Variants in CTSC observed in about 807,000 individuals in gnomAD.
CTSC encodes the protein dipeptidyl peptidase 1.
In CTSC, 37 loss-of-function variants were observed where a neutral mutation model predicts 40.9. The observed-to-expected ratio is 0.91, with a 90% CI of 0.70 to 1.19. The LOEUF (loss-of-function observed/expected upper bound fraction) is 1.19, where lower values mean the gene tolerates loss of function less well. Among genes scored for constraint, CTSC ranks in the 50% most tolerant of loss-of-function variants. CTSC has a pLI of 0.00. For synonymous variants in CTSC, 232 were observed against 207.4 expected, an observed-to-expected ratio of 1.12 and a Z score of -1.02; for missense variants, 594 against 567.3, an observed-to-expected ratio of 1.05 and a Z score of -0.48.
intron 2 of CTSC, chr11:88,326,253 G>A: frequency 1.0e-5 from 16 of 1,528,692 alleles, no homozygotes; most frequent in Non-Finnish European, 1.3e-5. Context: ...CTGCCTTGGA[G>A]GTAGGTCACC....
chr11:88,326,431 C>T (rs773318710), intron 2 of CTSC: 3 of 1,612,070 alleles, frequency 1.9e-6, no homozygotes, highest in South Asian at 2.2e-5. Flanking sequence ...TCAACAGATG[C>T]TCTATTTAAT....
At chr11:88,325,141 G>A in intron 2 of CTSC, 1 of 985,136 alleles carries the variant, frequency 1.0e-6, no homozygotes. Flanking sequence ...TATTCGGCAG[G>A]AAAGAGCTAG....
intron 2 of CTSC, chr11:88,321,993 T>A (rs2134800333): frequency 6.6e-6 from 1 of 152,322 alleles, no homozygotes; most frequent in East Asian, 1.9e-4. Flanking sequence ...GATATGCACG[T>A]CTCTAATGGT....
At chr11:88,312,345 T>C (rs761342381) in intron 3 of CTSC, 43 bp downstream of exon 3, 3 of 1,596,414 alleles carry the variant, frequency 1.9e-6, no homozygotes, top group African/African-American at 2.7e-5. Context: ...TCATATATAC[T>C]ATAAAACAAA....
intron 3 of CTSC, among the ~76,000 whole-genome samples, chr11:88,311,848 A>C (rs1216240597): frequency 1.3e-5 from 2 of 152,216 alleles, no homozygotes; most frequent in African/African-American, 4.8e-5. Flanking sequence ...TGGCCTTGGA[A>C]GAAACCAAAC....
chr11:88,312,353 AAAACT>A, intron 3 of CTSC, 30 bp downstream of exon 3: 1 of 1,608,898 alleles, frequency 6.2e-7, no homozygotes, highest in Non-Finnish European at 8.5e-7. Context: ...ACTATAAAAC[AAAACT>A]AAACGTATGT....
intron 2 of CTSC, among the ~76,000 whole-genome samples, chr11:88,326,889 G>A (rs746598098): frequency 3.9e-5 from 6 of 151,970 alleles, no homozygotes; most frequent in Admixed American, 6.6e-5. Flanking sequence ...CTGGTGGAGC[G>A]GTCTCCCTAA....
At chr11:88,317,265 CCTT>C (rs1367268548) in intron 2 of CTSC, among the ~76,000 whole-genome samples, 5 of 152,280 alleles carry the variant, frequency 3.3e-5, no homozygotes, top group African/African-American at 7.2e-5. Context: ...CCACGGCCAG[CCTT>C]CTTATTTAAT....
At chr11:88,313,912 A>G (rs1431239864) in intron 2 of CTSC, among the ~76,000 whole-genome samples, 1 of 152,206 alleles carries the variant, frequency 6.6e-6, no homozygotes, top group Non-Finnish European at 1.5e-5. Context: ...TTTGCAGGCC[A>G]CTTAGTTCTC....
At chr11:88,324,756 T>C (rs935883622) in intron 2 of CTSC, 13 of 985,140 alleles carry the variant, frequency 1.3e-5, no homozygotes, top group African/African-American at 7.0e-5. Context: ...CTCACGGTAA[T>C]AGAGAGAGCT....
In CTSC at chr11:88,326,969, T is replaced by G. The variant is rs138131123; in HGVS notation, c.318+7968A>C. ...TATTTTGAGAACAGCTTATTTTTCG[T>G]GGAAAAAAAAAATAGTGAACCTATC... is the stretch of plus-strand genomic sequence containing the variant. On this transcript the variant is annotated intron_variant, in intron 2 of 6. Coordinates refer to ENST00000227266, the MANE Select transcript of CTSC (RefSeq NM_001814.6). 5.6e-3 allele frequency among the ~76,000 whole-genome samples: 856 copies of G among 151,828 alleles called. 9 individuals are homozygous for G. Among genetic ancestry groups the G allele is most frequent in the African/African-American group, 0.02 (823 of 41,340 alleles).
Position 88,329,253 on chromosome 11 carries a change from G to A in CTSC, c.318+5684C>T, listed in dbSNP as rs7940141. On this transcript the variant is annotated intron_variant, in intron 2 of 6. Coordinates refer to ENST00000227266, the MANE Select transcript of CTSC (RefSeq NM_001814.6). ...TCCCAGCACTTGGGGAGGTCCAGGCGGGCGGATCACTTGGGGTCAGGAGTT... is the reference window on the plus strand; with the variant it reads ...TCCCAGCACTTGGGGAGGTCCAGGCAGGCGGATCACTTGGGGTCAGGAGTT... 7.8e-3 allele frequency among the ~76,000 whole-genome samples: 1,182 copies of A among 151,854 alleles called. 15 individuals carry two copies. The highest frequency in any genetic ancestry group is 0.025 in the African/African-American group (1,030 of 41,378).
rs567105085 is a variant in CTSC at position 88,327,453 on chromosome 11, C to A, written c.318+7484G>T. Among the ~76,000 whole-genome samples the A allele has an allele frequency of 2.6e-5, 4 of 152,096 alleles. No individual in the cohort carries two copies. The South Asian group carries it at 8.3e-4, about 32-fold the overall frequency. ...GGTAAGTCTCTATTAATTTTACTCTCTAATCACCTATTTCTTCATCAACAT... is the reference window on the plus strand; with the variant it reads ...GGTAAGTCTCTATTAATTTTACTCTATAATCACCTATTTCTTCATCAACAT... On this transcript the variant is annotated intron_variant, in intron 2 of 6. Transcript: ENST00000227266.
rs749103588 is a variant in CTSC, at chr11:88,312,458, C to T, written c.415G>A (p.Gly139Arg). The T allele has an allele frequency of 1.7e-5, 27 of 1,614,024 alleles. No individual in the cohort carries two copies. Among genetic ancestry groups the T allele is most frequent in the Non-Finnish European group, 2.2e-5 (26 of 1,180,022 alleles). The stretch of plus-strand genomic sequence containing the variant: ...TCAGAGGCAGTTCCCACCTTCTTTC[C>T]GGTGAAACAAGCCCAGTTCCGGCCC... ...VLGRNWACFT[G>R]KKVGTASENV... The change falls in exon 3 of 7, where the codon GGA becomes AGA. Residue 139 changes from glycine (G) to arginine (R), a missense_variant. By Grantham distance (125) the Gly-to-Arg change is moderately radical. Transcript: ENST00000227266.
At position 88,294,179 on chromosome 11, in the gene CTSC, C is replaced by A. The variant is rs765617464; in HGVS notation, c.1219G>T (p.Val407Phe). Residue 407 changes from valine (V) to phenylalanine (F), a missense_variant, in exon 7 of 7, where the codon GTT becomes TTT. Physicochemically the swap from Val to Phe is conservative, Grantham distance 50 (BLOSUM62 -1). Transcript: ENST00000227266. Reference protein sequence around the residue: ...FNPFELTNHAVLLVGYGTDSA... With the variant: ...FNPFELTNHAFLLVGYGTDSA... Reference sequence around the variant, plus strand: ...TCAGTGCCATAGCCCACAAGCAGAACAGCATGATTAGTCAGCTCAAAGGGG... The same window carrying A: ...TCAGTGCCATAGCCCACAAGCAGAAAAGCATGATTAGTCAGCTCAAAGGGG... 8.7e-6 allele frequency: 14 copies of A among 1,613,812 alleles called. No individual in the cohort carries two copies. The highest frequency in any genetic ancestry group is 1.0e-5 in the Non-Finnish European group (12 of 1,180,008).
rs181685520 is a variant in CTSC at position 88,337,717 on chromosome 11, G to C, written c.-45C>G. ...AGAGGTGAAGAATTACCAGGAAGCC[G>C]AGCGCTGCGGGCTAGCGGTGAGTCC... On this transcript the variant is annotated 5_prime_UTR_variant, in exon 1 of 7. Coordinates refer to ENST00000227266, the MANE Select transcript of CTSC (RefSeq NM_001814.6). 1.9e-3 allele frequency: 3,000 copies of C among 1,548,644 alleles called. 17 individuals carry two copies. Among genetic ancestry groups the C allele is most frequent in the Admixed American group, 0.014 (705 of 51,102 alleles).
intron 1 of CTSC, among the ~76,000 whole-genome samples, chr11:88,335,882 TA>T (rs1938479303): frequency 6.6e-6 from 1 of 152,138 alleles, no homozygotes; most frequent in African/African-American, 2.4e-5. Flanking sequence ...AGAAATGGGG[TA>T]CCTTTCTCCT....
intron 2 of CTSC, among the ~76,000 whole-genome samples, chr11:88,328,748 C>T (rs1191642936): frequency 1.3e-5 from 2 of 152,164 alleles, no homozygotes; most frequent in Non-Finnish European, 2.9e-5. Context: ...CTGCCCCAGC[C>T]TCCCAGGTGG....
chr11:88,334,347 T>C (rs67497185), intron 2 of CTSC, among the ~76,000 whole-genome samples: 9,262 of 152,318 alleles, frequency 0.061, 362 homozygotes, highest in South Asian at 0.15. Context: ...GAATGAACAA[T>C]AGTTCTTTCC....
Sources: gnomAD v4.1 joint callset for allele counts (sites outside exome capture counted in the v4.1 genomes callset) on GRCh38, gnomAD v4.1.1 for gene constraint, MANE v1.5 for transcripts, NCBI Gene and HGNC (gene_info 2026-07-23, HGNC 2026-07-21) for gene names.